Variants in CCDC3 observed in about 807,000 individuals in gnomAD.
CCDC3 encodes the protein coiled-coil domain containing 3.
In CCDC3, 24 loss-of-function variants were observed where a neutral mutation model predicts 21.4. The ratio of observed to expected loss-of-function variants is 1.12; its 90% confidence interval spans 0.81 to 1.58. The LOEUF (loss-of-function observed/expected upper bound fraction) is 1.58. CCDC3 is among the 40% of genes most tolerant of loss of function. The pLI is 0.00. For synonymous variants in CCDC3, 186 were observed against 166.0 expected, an observed-to-expected ratio of 1.12 and a Z score of -0.93; for missense variants, 425 against 360.9, an observed-to-expected ratio of 1.18 and a Z score of -1.44.
At chr10:12,926,828 A>G (rs1258009547) in intron 2 of CCDC3, among the ~76,000 whole-genome samples, 1 of 152,224 alleles carries the variant, frequency 6.6e-6, no homozygotes, top group Non-Finnish European at 1.5e-5. Context: ...ATTAAGTATT[A>G]CTAGAGATAA....
intron 2 of CCDC3, among the ~76,000 whole-genome samples, chr10:12,906,742 G>T (rs1343896165): frequency 1.3e-5 from 2 of 152,136 alleles, no homozygotes; most frequent in Admixed American, 6.5e-5. Context: ...CCCTAGAACT[G>T]CTCTGAAGAT....
At position 12,939,255 on chromosome 10, in the gene CCDC3, C is replaced by T. The variant is rs560930909; in HGVS notation, c.550-40576G>A. Among the ~76,000 whole-genome samples, 4 of 152,302 alleles carry T rather than the reference C, an allele frequency of 2.6e-5. No homozygotes were observed. The South Asian group carries it at 6.2e-4, about 24-fold the overall frequency. ...TCTGAGTAAGGTAAATTCCTACTCC[C>T]GTGTTCCAACTTCTGTCCAGTCCAT... On this transcript the variant is annotated intron_variant, in intron 2 of 2. Coordinates refer to ENST00000378825, the MANE Select transcript of CCDC3 (RefSeq NM_031455.4).
intron 2 of CCDC3, among the ~76,000 whole-genome samples, chr10:12,961,752 T>G (rs1835181358): frequency 6.6e-6 from 1 of 152,120 alleles, no homozygotes; most frequent in African/African-American, 2.4e-5. Flanking sequence ...CCTAAGTAAT[T>G]AGATGAAATC....
rs778978687 is a variant in CCDC3, at chr10:12,898,427, G to A, written c.802C>T (p.Leu268=). The A allele has an allele frequency of 1.2e-6, 2 of 1,602,864 alleles. No homozygotes were observed. The highest frequency in any genetic ancestry group is 1.7e-5 in the Admixed American group (1 of 59,228). ...NARGPVRPPY[L]RG ...AGCCCCCAGGCCCGTTACCCCCGCA[G>A]GTAGGGGGGGCGCACGGGCCCCCGG... The change falls in exon 3 of 3, where the codon CTG becomes TTG. Residue 268 remains leucine (L), a synonymous_variant. Transcript: ENST00000378825.
intron 2 of CCDC3, among the ~76,000 whole-genome samples, chr10:12,908,954 T>C (rs10795993): frequency 6.6e-6 from 1 of 151,916 alleles, no homozygotes; most frequent in Admixed American, 6.6e-5. Flanking sequence ...TGTCCAGGTG[T>C]AGTGGGAAGG....
intron 3 of CCDC3, among the ~76,000 whole-genome samples, chr10:13,077,169 A>T (rs1319507345): frequency 1.3e-5 from 2 of 152,364 alleles, no homozygotes. Flanking sequence ...AAATCTCAGG[A>T]TACAAAATCA....
intron 2 of CCDC3, among the ~76,000 whole-genome samples, chr10:12,973,089 C>T (rs1236930358): frequency 6.6e-6 from 1 of 152,148 alleles, no homozygotes; most frequent in Non-Finnish European, 1.5e-5. Context: ...ATTGACTGTG[C>T]CCTTACTACG....
intron 4 of CCDC3, among the ~76,000 whole-genome samples, chr10:13,051,620 T>C (rs554704221): frequency 1.4e-3 from 216 of 152,194 alleles, no homozygotes; most frequent in Non-Finnish European, 2.7e-3. Flanking sequence ...GACACTGGTA[T>C]ATTAAGGACA....
intron 2 of CCDC3, among the ~76,000 whole-genome samples, chr10:12,921,734 G>A (rs1258225529): frequency 1.3e-5 from 2 of 150,334 alleles, no homozygotes; most frequent in African/African-American, 2.4e-5. Flanking sequence ...TATCGTAGCC[G>A]GTTTCTGTTT....
intron 5 of CCDC3, among the ~76,000 whole-genome samples, chr10:13,028,721 G>A (rs536778000): frequency 6.6e-6 from 1 of 152,346 alleles, no homozygotes; most frequent in East Asian, 1.9e-4. Context: ...ATCCTAGGAA[G>A]ATGAATTGAT....
intron 2 of CCDC3, among the ~76,000 whole-genome samples, chr10:12,953,220 C>A (rs1200744474): frequency 1.3e-5 from 2 of 152,142 alleles, no homozygotes; most frequent in Admixed American, 1.3e-4. Context: ...CAGGGAAACT[C>A]CCATTTTTAA....
chr10:12,934,509 C>T (rs1350814818), intron 2 of CCDC3, among the ~76,000 whole-genome samples: 1 of 152,188 alleles, frequency 6.6e-6, no homozygotes, highest in Non-Finnish European at 1.5e-5. Flanking sequence ...TACTGATTTT[C>T]TGTCTACTGG....
intron 3 of CCDC3, among the ~76,000 whole-genome samples, chr10:13,085,440 C>T (rs187885707): frequency 9.9e-5 from 15 of 152,192 alleles, no homozygotes; most frequent in African/African-American, 3.6e-4. Context: ...AACGGGAGGT[C>T]CTTAGCGATT....
chr10:13,093,734 C>T (rs1456423767), intron 3 of CCDC3, among the ~76,000 whole-genome samples: 3 of 151,900 alleles, frequency 2.0e-5, no homozygotes, highest in Admixed American at 6.6e-5. Context: ...CTCCACCATG[C>T]ACTTTTTCAG....
chr10:12,984,172 G>A (rs931183661), intron 2 of CCDC3, among the ~76,000 whole-genome samples: 1 of 152,190 alleles, frequency 6.6e-6, no homozygotes, highest in African/African-American at 2.4e-5. Context: ...TAAGGGTTTA[G>A]TATCCATAAT....
At chr10:12,935,223 G>C (rs1834717169) in intron 2 of CCDC3, among the ~76,000 whole-genome samples, 1 of 151,950 alleles carries the variant, frequency 6.6e-6, no homozygotes, top group African/African-American at 2.4e-5. Flanking sequence ...CAGATATTTG[G>C]GTCTTGTTTG....
chr10:12,958,759 GCCTCAT>G (rs200940776), intron 2 of CCDC3, among the ~76,000 whole-genome samples: 3 of 152,136 alleles, frequency 2.0e-5, no homozygotes, highest in Admixed American at 6.5e-5. Flanking sequence ...GCTGACATCA[GCCTCAT>G]CCTCATCCTC....
At chr10:13,075,889 A>C (rs1326215643) in intron 3 of CCDC3, among the ~76,000 whole-genome samples, 1 of 152,112 alleles carries the variant, frequency 6.6e-6, no homozygotes, top group Admixed American at 6.5e-5. Context: ...TCTCTACTAA[A>C]AAAATAAAAT....
At chr10:12,937,636 T>A (rs1437932791) in intron 2 of CCDC3, among the ~76,000 whole-genome samples, 2 of 152,152 alleles carry the variant, frequency 1.3e-5, no homozygotes, top group African/African-American at 4.8e-5. Context: ...ATAAGCTTCC[T>A]CAGATTATGA....
Sources: allele counts gnomAD v4.1 joint callset (sites outside exome capture counted in the v4.1 genomes callset), GRCh38; gene constraint gnomAD v4.1.1; transcripts MANE v1.5; gene names NCBI Gene and HGNC (gene_info 2026-07-23, HGNC 2026-07-21).